Variants in BEND7 observed in about 807,000 individuals in gnomAD.
BEND7 encodes the protein BEN domain containing 7, also known as BEN domain-containing protein 7.
A neutral mutation model predicts 50.9 loss-of-function variants in BEND7; 28 were observed. The observed-to-expected ratio is 0.55, with a 90% CI of 0.41 to 0.75. BEND7 has a LOEUF of 0.75. BEND7 is among the 30% of genes least tolerant of loss of function. BEND7 has a pLI of 0.00. For synonymous variants in BEND7, 170 were observed against 183.9 expected (o/e 0.92, Z 0.61); for missense variants, 477 against 491.3 (o/e 0.97, Z 0.28).
chr10:13,495,447 A>C (rs1414912261), intron 4 of BEND7, among the ~76,000 whole-genome samples: 1 of 152,238 alleles, frequency 6.6e-6, no homozygotes, highest in Non-Finnish European at 1.5e-5. Flanking sequence ...AGATCACCTG[A>C]GGTCGGGAGT....
intron 2 of BEND7, among the ~76,000 whole-genome samples, chr10:13,508,890 G>A (rs1009347229): frequency 6.6e-6 from 1 of 152,208 alleles, no homozygotes; most frequent in African/African-American, 2.4e-5. Flanking sequence ...AGGCCTAAGC[G>A]GCACGGCGGT....
intron 6 of BEND7, among the ~76,000 whole-genome samples, chr10:13,467,222 T>C (rs2074342466): frequency 2.0e-5 from 3 of 152,188 alleles, no homozygotes; most frequent in South Asian, 4.1e-4. Flanking sequence ...TCTCAGACTT[T>C]TATCTGATCC....
chr10:13,488,777 G>A lies in BEND7; in HGVS notation c.837+3834C>T, dbSNP rs140275018. On this transcript the variant is annotated intron_variant, in intron 5 of 8. Transcript: ENST00000466271. The stretch of plus-strand genomic sequence containing the variant: ...GCTGGGATTACAGGCGTGAGCCACC[G>A]CGCCCGGCCTAAATACTGTATTTAG... Among the ~76,000 whole-genome samples the A allele has an allele frequency of 4.0e-3, 611 of 152,266 alleles. 10 individuals are homozygous for A. Among genetic ancestry groups the A allele is most frequent in the Admixed American group, 0.022 (340 of 15,294 alleles).
intron 2 of BEND7, among the ~76,000 whole-genome samples, chr10:13,510,638 T>G (rs751292832): frequency 3.9e-5 from 6 of 152,146 alleles, no homozygotes; most frequent in Non-Finnish European, 8.8e-5. Context: ...ATTATTAGCT[T>G]CAAGAAAGGA....
At chr10:13,500,471 C>A (rs1564376372) in intron 2 of BEND7, 2 of 990,928 alleles carry the variant, frequency 2.0e-6, no homozygotes, top group Non-Finnish European at 2.4e-6. Context: ...CCACAGCCAC[C>A]CGTGAGGAAT....
At chr10:13,465,109 G>A (rs1355979345) in intron 6 of BEND7, among the ~76,000 whole-genome samples, 2 of 152,208 alleles carry the variant, frequency 1.3e-5, no homozygotes, top group East Asian at 3.8e-4. Flanking sequence ...GCACATAATA[G>A]GCAGGTATGA....
chr10:13,503,090 G>T, intron 2 of BEND7: 1 of 184,872 alleles, frequency 5.4e-6, no homozygotes, highest in Non-Finnish European at 1.0e-5. Flanking sequence ...TTATGCCTAT[G>T]AAAAGTACAT....
Position 13,500,062 on chromosome 10 carries a change from A to G in BEND7, c.164T>C (p.Ile55Thr). ...TCTCATCCCTGTAATTTGCTTTTTT[A>G]TTTCCATGCTTTCATCTCCTAATGG... ...PIFLGDESME[I>T]KKQITGMRRL... The change falls in exon 3 of 9, where the codon ATA (isoleucine) becomes ACA (threonine). Residue 55 changes from isoleucine (I) to threonine (T), a missense_variant. By Grantham distance (89) the Ile-to-Thr change is moderately conservative. Around this residue, in one of 3 missense-constraint regions of BEND7, gnomAD observed 396 missense variants for 384.2 expected, o/e 1.03. Transcript: ENST00000466271. The G allele has an allele frequency of 6.3e-7, 1 of 1,594,806 alleles. No homozygotes were observed. Among genetic ancestry groups the G allele is most frequent in the Non-Finnish European group, 8.6e-7 (1 of 1,165,482 alleles).
intron 8 of BEND7, chr10:13,445,558 T>C (rs1015622964): frequency 1.3e-5 from 2 of 152,228 alleles, no homozygotes; most frequent in African/African-American, 4.8e-5. Context: ...CAGGCTTTTT[T>C]TCCTGTAAAA....
In BEND7 at chr10:13,450,987, G is replaced by C. The variant is rs115184321; in HGVS notation, c.1183+1552C>G. Among the ~76,000 whole-genome samples the C allele has an allele frequency of 2.4e-3, 369 of 152,020 alleles. 5 individuals carry two copies. Among genetic ancestry groups the C allele is most frequent in the African/African-American group, 8.3e-3 (345 of 41,440 alleles). ...CGTGCCTGCTTGCTGGTGGGACAGG[G>C]GAAGGGAATAGAGACCAGAACTTAT... is the stretch of plus-strand genomic sequence containing the variant. On this transcript the variant is annotated intron_variant, in intron 7 of 8. Transcript: ENST00000466271.
chr10:13,470,685 G>A (rs1419454213), intron 6 of BEND7, among the ~76,000 whole-genome samples: 1 of 152,170 alleles, frequency 6.6e-6, no homozygotes, highest in Non-Finnish European at 1.5e-5. Flanking sequence ...ATGAAGCGGT[G>A]GTGAAGCGTA....
intron 5 of BEND7, among the ~76,000 whole-genome samples, chr10:13,485,169 C>A (rs1321972618): frequency 6.6e-6 from 1 of 151,984 alleles, no homozygotes; most frequent in African/African-American, 2.4e-5. Flanking sequence ...CGAAAGAATA[C>A]AAAGTAAGAC....
chr10:13,476,485 A>T (rs2075450060), intron 6 of BEND7, among the ~76,000 whole-genome samples: 1 of 152,242 alleles, frequency 6.6e-6, no homozygotes, highest in Non-Finnish European at 1.5e-5. Flanking sequence ...AGACTCCAGG[A>T]CAGTTTGATA....
At chr10:13,527,883 C>CTTTTCTT in intron 1 of BEND7, 3 of 978,506 alleles carry the variant, frequency 3.1e-6, no homozygotes, top group African/African-American at 1.7e-5. Flanking sequence ...TCTTTTCTTT[C>CTTTTCTT]TTTTCTTTTT....
intron 3 of BEND7, among the ~76,000 whole-genome samples, chr10:13,498,236 C>T (rs544923703): frequency 1.6e-3 from 237 of 151,912 alleles, no homozygotes; most frequent in Non-Finnish European, 2.8e-3. Context: ...CTACCACGCC[C>T]GGCTAATTTT....
At chr10:13,487,383 CTTTTCTTTT>C (rs1357699995) in intron 5 of BEND7, among the ~76,000 whole-genome samples, 6 of 26,518 alleles carry the variant, frequency 2.3e-4, no homozygotes, top group African/African-American at 4.7e-4. Flanking sequence ...CTTTTCTTTT[CTTTTCTTTT>C]TTTTTTTTTT....
At chr10:13,453,789 T>C (rs901345162) in intron 6 of BEND7, among the ~76,000 whole-genome samples, 1 of 152,196 alleles carries the variant, frequency 6.6e-6, no homozygotes, top group Non-Finnish European at 1.5e-5. Context: ...ACTGATAAAA[T>C]TGGCACATTC....
chr10:13,511,382 T>C (rs1409053978), intron 2 of BEND7: 1 of 152,214 alleles, frequency 6.6e-6, no homozygotes, highest in East Asian at 1.9e-4. Context: ...AAAATGAATA[T>C]ATATGACTGT....
At chr10:13,461,133 T>C (rs920200261) in intron 6 of BEND7, among the ~76,000 whole-genome samples, 1 of 151,634 alleles carries the variant, frequency 6.6e-6, no homozygotes, top group African/African-American at 2.4e-5. Flanking sequence ...AAGAAAAAAG[T>C]GGAGGTGAGC....
Sources: allele counts gnomAD v4.1 joint callset (sites outside exome capture counted in the v4.1 genomes callset), GRCh38; gene constraint gnomAD v4.1.1; regional missense constraint gnomAD v4.1.1; transcripts MANE v1.5; gene names NCBI Gene and HGNC (gene_info 2026-07-23, HGNC 2026-07-21).